The following EXOC1 variants were observed in gnomAD, a reference collection of about 807,000 sequenced individuals.
EXOC1 encodes SEC3-like 1.
A neutral mutation model predicts 107.7 loss-of-function variants in EXOC1; 67 were observed. The ratio of observed to expected loss-of-function variants is 0.62; its 90% CI spans 0.51 to 0.76. The LOEUF is 0.76. Ranked by LOEUF, EXOC1 falls within the 30% of genes least tolerant of loss-of-function variation. The pLI is 0.00. For missense variants in EXOC1, 833 were observed against 1,055.7 expected (o/e 0.79, Z 2.92); for synonymous variants, 348 against 353.5 (o/e 0.98, Z 0.17).
Position 55,870,769 on chromosome 4 carries a change from A to T in EXOC1, c.695A>T (p.Glu232Val). ...GCTCTAAAGGAGGTAGATCAGATTG[A>T]ATTGAAACTGAGCAGTTATGAGGAA... Reference protein sequence around the residue: ...DEALKEVDQIELKLSSYEEML... With the variant: ...DEALKEVDQIVLKLSSYEEML... Residue 232 changes from glutamate (E) to valine (V), a missense_variant, in exon 6 of 19, where the codon GAA (glutamate) becomes GTA (valine). Glu to Val is a moderately radical substitution (Grantham distance 121). Around this residue, in one of 2 missense-constraint regions of EXOC1, gnomAD observed 617 missense variants for 701.3 expected, o/e 0.88. Coordinates refer to ENST00000381295, the MANE Select transcript of EXOC1 (RefSeq NM_001024924.2). 6.2e-7 allele frequency: 1 copy of T among 1,613,924 alleles called. No individual in the cohort carries two copies. The highest frequency in any genetic ancestry group is 1.7e-5 in the Admixed American group (1 of 59,994).
At chr4:55,857,251 T>C (rs987115398) in intron 1 of EXOC1, among the ~76,000 whole-genome samples, 1 of 130,814 alleles carries the variant, frequency 7.6e-6, no homozygotes. Context: ...CAGTCTCGGC[T>C]CACTGCAAGC....
At chr4:55,881,735 A>G (rs1050966741) in intron 9 of EXOC1, among the ~76,000 whole-genome samples, 7 of 152,190 alleles carry the variant, frequency 4.6e-5, no homozygotes, top group East Asian at 1.9e-4. Context: ...AGCCAATCAG[A>G]TACGCATTTA....
At position 55,904,487 on chromosome 4, in the gene EXOC1, T is replaced by C; in HGVS notation, c.2677T>C (p.Ser893Pro). The change falls in exon 19 of 19, where the codon TCC becomes CCC. Residue 893 changes from serine to proline, a missense_variant. Ser to Pro is a moderately conservative substitution (Grantham distance 74, BLOSUM62 -1). Coordinates refer to ENST00000381295, the MANE Select transcript of EXOC1 (RefSeq NM_001024924.2). ...ILDYCSSIAQ[S>P]H ...GGATTATTGTTCCAGCATTGCACAG[T>C]CCCACTAAACCTTGTGAAAGAAGAA... The C allele has an allele frequency of 1.2e-6, 2 of 1,610,314 alleles. No individual in the cohort carries two copies. The highest frequency in any genetic ancestry group is 1.7e-6 in the Non-Finnish European group (2 of 1,178,332).
chr4:55,873,118 G>A (rs139640182), intron 8 of EXOC1, among the ~76,000 whole-genome samples: 256 of 152,024 alleles, frequency 1.7e-3, no homozygotes, highest in African/African-American at 6.0e-3. Flanking sequence ...GTATTGCCAG[G>A]TGATTGAGGT....
chr4:55,896,589 C>T, intron 15 of EXOC1, 128 bp from the exon 16 acceptor site: 6 of 660,226 alleles, frequency 9.1e-6, no homozygotes, highest in South Asian at 6.0e-5. Context: ...TTCTAGGTAC[C>T]ACATAATATC....
chr4:55,897,872 TC>T (rs958995634), intron 16 of EXOC1, among the ~76,000 whole-genome samples: 8 of 152,212 alleles, frequency 5.3e-5, no homozygotes, highest in African/African-American at 1.9e-4. Flanking sequence ...CGCCTTGGCC[TC>T]CCAAAGTGCT....
At chr4:55,891,265 A>T in intron 12 of EXOC1, 50 bp from the exon 13 acceptor site, 1 of 1,105,252 alleles carries the variant, frequency 9.0e-7, no homozygotes, top group Non-Finnish European at 1.4e-6. Flanking sequence ...GTGTTATTTT[A>T]AGCATTTGGT....
chr4:55,886,633 A>G (rs1295127745), intron 10 of EXOC1, among the ~76,000 whole-genome samples: 1 of 152,020 alleles, frequency 6.6e-6, no homozygotes, highest in Non-Finnish European at 1.5e-5. Flanking sequence ...ATCTGTAATT[A>G]TAATTAAAAT....
intron 11 of EXOC1, among the ~76,000 whole-genome samples, chr4:55,889,591 G>A (rs901978549): frequency 1.3e-5 from 2 of 152,072 alleles, no homozygotes; most frequent in Non-Finnish European, 2.9e-5. Flanking sequence ...AGTTTTCAGG[G>A]TGTTTTTTCT....
Position 55,876,391 on chromosome 4 carries a change from A to G in EXOC1, c.1075-1526A>G, listed in dbSNP as rs145868136. 9.1e-4 allele frequency: 712 copies of G among 786,600 alleles called. 2 individuals carry two copies. The highest frequency in any genetic ancestry group is 1.0e-3 in the Non-Finnish European group (656 of 648,698). The allele number at this position is 786,600 out of a possible 1,614,324, so 48.7% of individuals were successfully genotyped here. On this transcript the variant is annotated intron_variant, in intron 8 of 18. Transcript: ENST00000381295. Reference sequence around the variant, plus strand: ...TCAGATTTTAGAAAAGCAATACAGTATATATACTGTATATTATATAATCAC... The same window carrying G: ...TCAGATTTTAGAAAAGCAATACAGTGTATATACTGTATATTATATAATCAC...
rs1577688918 is a variant in EXOC1, at chr4:55,859,964, A to C, written c.125-447A>C. ...GCCAGGAGCAGTGGCTCATGCCTGT[A>C]ATTCCAGCACTTAGGGAAGCTGAGG... On this transcript the variant is annotated intron_variant, in intron 2 of 18. Transcript: ENST00000381295. 4.6e-5 allele frequency among the ~76,000 whole-genome samples: 7 copies of C among 152,330 alleles called. No individual in the cohort carries two copies. The South Asian group carries it at 1.2e-3, about 27-fold the overall frequency.
chr4:55,877,003 A>T (rs1722965225), intron 8 of EXOC1: 1 of 985,238 alleles, frequency 1.0e-6, no homozygotes, highest in Admixed American at 6.2e-5. Flanking sequence ...TAGGCCAGAA[A>T]TGTTTCCTTC....
At chr4:55,870,064 A>C (rs912517300) in intron 5 of EXOC1, among the ~76,000 whole-genome samples, 1 of 152,144 alleles carries the variant, frequency 6.6e-6, no homozygotes, top group African/African-American at 2.4e-5. Flanking sequence ...GGGAAGAAAA[A>C]AAAAACAGTT....
chr4:55,856,558 G>A (rs1430981361), intron 1 of EXOC1, among the ~76,000 whole-genome samples: 1 of 151,406 alleles, frequency 6.6e-6, no homozygotes, highest in Non-Finnish European at 1.5e-5. Flanking sequence ...ATAAAAATAC[G>A]TTGTAAATCA....
chr4:55,887,661 G>A (rs182990539), intron 10 of EXOC1, among the ~76,000 whole-genome samples: 2 of 151,646 alleles, frequency 1.3e-5, no homozygotes, highest in Non-Finnish European at 2.9e-5. Context: ...GGAGGCTGAG[G>A]TAGGAGGATC....
rs773202822 is a variant in EXOC1, at chr4:55,870,852, C to G, written c.778C>G (p.His260Asp). 2 of 1,613,844 alleles carry G rather than the reference C, an allele frequency of 1.2e-6. No homozygotes were observed. Among genetic ancestry groups the G allele is most frequent in the Non-Finnish European group, 8.5e-7 (1 of 1,179,906 alleles). ...DQISESNHLI[H>D]LSNTNNVKLL... Reference sequence around the variant, plus strand: ...GATCTCTGAAAGCAACCACCTAATTCATCTTAGTAACACTAATAATGTAAA... The same window carrying G: ...GATCTCTGAAAGCAACCACCTAATTGATCTTAGTAACACTAATAATGTAAA... The change falls in exon 6 of 19, where the codon CAT becomes GAT. Residue 260 changes from histidine to aspartate, a missense_variant. His to Asp is a moderately conservative substitution (Grantham distance 81). This residue lies in a region of EXOC1 where 617 missense variants were observed against 701.3 expected (regional missense o/e 0.88). Transcript: ENST00000381295.
chr4:55,903,146 TTAA>T (rs1560369865), intron 18 of EXOC1, among the ~76,000 whole-genome samples: 12 of 88,980 alleles, frequency 1.3e-4, no homozygotes, highest in Non-Finnish European at 1.9e-4. Flanking sequence ...CGTGTCTCAA[TTAA>T]AAAAAAAAAA....
At chr4:55,874,031 A>G (rs1722675027) in intron 8 of EXOC1, among the ~76,000 whole-genome samples, 1 of 152,180 alleles carries the variant, frequency 6.6e-6, no homozygotes, top group South Asian at 2.1e-4. Flanking sequence ...AATGTATGTA[A>G]TAAATTGCTA....
chr4:55,869,919 T>C (rs1650539533), intron 5 of EXOC1, among the ~76,000 whole-genome samples: 1 of 152,238 alleles, frequency 6.6e-6, no homozygotes, highest in African/African-American at 2.4e-5. Context: ...GGTATATATG[T>C]TCCAAGTCAG....
Sources: gnomAD v4.1 joint callset for allele counts (sites outside exome capture counted in the v4.1 genomes callset) on GRCh38, gnomAD v4.1.1 for gene constraint, gnomAD v4.1.1 regional missense constraint, MANE v1.5 for transcripts, NCBI Gene and HGNC (gene_info 2026-07-23, HGNC 2026-07-21) for gene names.